Variants in TBCK observed in about 807,000 individuals in gnomAD.
The protein encoded by TBCK is TBC1 domain containing kinase, also known as TBC domain-containing protein kinase-like protein.
In TBCK, 99 loss-of-function variants were observed where a neutral mutation model predicts 113.4. That is an observed-to-expected ratio of 0.87 (90% CI 0.74 to 1.03). The LOEUF (loss-of-function observed/expected upper bound fraction) is 1.03, where lower values mean the gene tolerates loss of function less well. Ranked by LOEUF, TBCK falls within the 50% of genes least tolerant of loss-of-function variation. The pLI is 0.00. For synonymous variants in TBCK, 369 were observed against 370.8 expected (o/e 1.00, Z 0.05); for missense variants, 1,045 against 1,061.3 (o/e 0.98, Z 0.21).
chr4:106,055,626 CTTTCT>C (rs1401433540), intron 25 of TBCK, among the ~76,000 whole-genome samples: 2 of 151,044 alleles, frequency 1.3e-5, no homozygotes, highest in African/African-American at 4.9e-5. Flanking sequence ...TTTTCCTTTC[CTTTCT>C]CTTCTAGTTC....
rs1412042887 is a variant in TBCK, at chr4:106,042,689, G to T, written c.*3881C>A. ...CTAATTCCCAAAGGAATATTTTTTG[G>T]TAACTATTTGGAGGAGGAAAGCACA... On this transcript the variant is annotated 3_prime_UTR_variant, in exon 26 of 26. Coordinates refer to ENST00000394708, the MANE Select transcript of TBCK (RefSeq NM_001163435.3). 3 of 152,030 alleles carry T rather than the reference G, an allele frequency of 2.0e-5. No homozygotes were observed. The highest frequency in any genetic ancestry group is 1.3e-4 in the Admixed American group (2 of 15,276). The allele number at this position is 152,030 out of a possible 1,614,324, so 9.4% of individuals were successfully genotyped here.
chr4:106,109,994 A>C (rs533114321), intron 24 of TBCK, among the ~76,000 whole-genome samples: 191 of 151,684 alleles, frequency 1.3e-3, no homozygotes, highest in African/African-American at 4.2e-3. Flanking sequence ...TAACAAGGGG[A>C]TATAAAGGAA....
At chr4:106,276,502 A>G (rs192834575) in intron 3 of TBCK, among the ~76,000 whole-genome samples, 3 of 152,320 alleles carry the variant, frequency 2.0e-5, no homozygotes, top group Admixed American at 2.0e-4. Context: ...GCCTGAACCC[A>G]GAAGTTCGAG....
At chr4:106,279,594 C>T (rs1764376467) in intron 3 of TBCK, among the ~76,000 whole-genome samples, 1 of 152,104 alleles carries the variant, frequency 6.6e-6, no homozygotes. Context: ...ACCCCTATTT[C>T]ATCCCCACAG....
intron 3 of TBCK, among the ~76,000 whole-genome samples, chr4:106,289,861 A>G (rs1305270042): frequency 6.6e-6 from 1 of 152,146 alleles, no homozygotes; most frequent in African/African-American, 2.4e-5. Flanking sequence ...CTTGTGCTAC[A>G]ATGATCTCTC....
intron 23 of TBCK, among the ~76,000 whole-genome samples, chr4:106,116,675 G>T (rs1053699053): frequency 6.6e-6 from 1 of 152,050 alleles, no homozygotes; most frequent in African/African-American, 2.4e-5. Context: ...TCCGAGCTCC[G>T]CCTCCTGTCA....
chr4:106,066,917 G>A (rs957338844), intron 25 of TBCK, among the ~76,000 whole-genome samples: 2 of 151,858 alleles, frequency 1.3e-5, no homozygotes. Flanking sequence ...TAATTTATCT[G>A]TTGATAGACA....
intron 2 of TBCK, among the ~76,000 whole-genome samples, chr4:106,299,570 G>A (rs908238159): frequency 1.3e-5 from 2 of 152,194 alleles, no homozygotes; most frequent in Non-Finnish European, 2.9e-5. Context: ...ATACTGCTGA[G>A]CCATAATCCT....
intron 20 of TBCK, among the ~76,000 whole-genome samples, chr4:106,196,636 T>C (rs74551320): frequency 2.0e-5 from 3 of 151,994 alleles, no homozygotes; most frequent in Non-Finnish European, 4.4e-5. Context: ...TTTAGATACA[T>C]TTTTCTAGGG....
chr4:106,116,629 CTGTATTTACAGT>C (rs1166038208), intron 23 of TBCK, among the ~76,000 whole-genome samples: 1 of 152,148 alleles, frequency 6.6e-6, no homozygotes, highest in Non-Finnish European at 1.5e-5. Flanking sequence ...AAAGCTTCAG[CTGTATTTACAGT>C]TGTTCCCCAT....
intron 2 of TBCK, among the ~76,000 whole-genome samples, chr4:106,302,546 A>G: frequency 6.6e-6 from 1 of 152,180 alleles, no homozygotes. Flanking sequence ...GGAACAGAGG[A>G]AAAAACCCCA....
intron 12 of TBCK, among the ~76,000 whole-genome samples, chr4:106,238,081 G>C (rs549189558): frequency 6.6e-6 from 1 of 152,012 alleles, no homozygotes; most frequent in Non-Finnish European, 1.5e-5. Flanking sequence ...AAGGAATTGA[G>C]ACATTTAGAT....
chr4:106,076,332 G>A (rs1399407719), intron 25 of TBCK, among the ~76,000 whole-genome samples: 9 of 152,176 alleles, frequency 5.9e-5, no homozygotes, highest in Non-Finnish European at 1.5e-5. Flanking sequence ...TAGTGTATCT[G>A]CACTATAATT....
chr4:106,251,147 T>C (rs1375145457), intron 6 of TBCK: 2 of 394,746 alleles, frequency 5.1e-6, no homozygotes, highest in East Asian at 1.7e-4. Flanking sequence ...AATAGTTATA[T>C]AAATTTGGCA....
chr4:106,208,270 C>T (rs1388804179), intron 20 of TBCK, among the ~76,000 whole-genome samples: 1 of 152,144 alleles, frequency 6.6e-6, no homozygotes, highest in Admixed American at 6.6e-5. Flanking sequence ...AGGTCTCATA[C>T]ATATCTACAG....
intron 19 of TBCK, among the ~76,000 whole-genome samples, chr4:106,220,861 G>A (rs999666253): frequency 4.6e-5 from 7 of 152,092 alleles, no homozygotes; most frequent in African/African-American, 7.2e-5. Context: ...TGGTGTGTTT[G>A]TAATTCCAAT....
At chr4:106,051,643 T>C (rs1204736058) in intron 25 of TBCK, among the ~76,000 whole-genome samples, 1 of 151,892 alleles carries the variant, frequency 6.6e-6, no homozygotes, top group Admixed American at 6.6e-5. Context: ...TTTCTGGCAC[T>C]GTGTGACCAT....
chr4:106,283,024 C>T (rs1249861490), intron 3 of TBCK, among the ~76,000 whole-genome samples: 1 of 152,090 alleles, frequency 6.6e-6, no homozygotes, highest in Non-Finnish European at 1.5e-5. Context: ...CTAACCATAT[C>T]ATTTTATTTT....
chr4:106,053,617 G>A (rs1177309156), intron 25 of TBCK, among the ~76,000 whole-genome samples: 1 of 151,562 alleles, frequency 6.6e-6, no homozygotes, highest in African/African-American at 2.4e-5. Flanking sequence ...ACAGGTTTAA[G>A]TCCTATCTAT....
Sources: allele counts gnomAD v4.1 joint callset (sites outside exome capture counted in the v4.1 genomes callset), GRCh38; gene constraint gnomAD v4.1.1; transcripts MANE v1.5; gene names NCBI Gene and HGNC (gene_info 2026-07-23, HGNC 2026-07-21).